Variants in PIK3C3 observed in about 807,000 individuals in gnomAD.
PIK3C3 encodes PI3-kinase type 3.
In PIK3C3, 95 loss-of-function variants were observed where a neutral mutation model predicts 126.1. That is an observed-to-expected ratio of 0.75 (90% CI 0.64 to 0.89). PIK3C3 has a LOEUF of 0.89. Ranked by LOEUF, PIK3C3 falls within the 40% of genes least tolerant of loss-of-function variation. PIK3C3 has a pLI of 0.00. For synonymous variants in PIK3C3, 374 were observed against 360.0 expected (o/e 1.04, Z -0.44); for missense variants, 829 against 1,063.2 (o/e 0.78, Z 3.06).
chr18:41,965,379 G>T (rs1431256121), intron 3 of PIK3C3, among the ~76,000 whole-genome samples: 1 of 152,168 alleles, frequency 6.6e-6, no homozygotes, highest in African/African-American at 2.4e-5. Flanking sequence ...TTCCACAGAT[G>T]CAGTGAAATG....
chr18:42,064,954 A>G (rs1985474473), intron 23 of PIK3C3, 124 bp downstream of exon 23: 1 of 591,880 alleles, frequency 1.7e-6, no homozygotes, highest in South Asian at 2.2e-5. Context: ...CCACAGTCAC[A>G]TGAATAGGTT....
chr18:42,058,984 C>A (rs974480758), intron 22 of PIK3C3, among the ~76,000 whole-genome samples: 1 of 152,164 alleles, frequency 6.6e-6, no homozygotes, highest in Non-Finnish European at 1.5e-5. Context: ...GACTTCATAA[C>A]CTTTGTGACA....
intron 23 of PIK3C3, among the ~76,000 whole-genome samples, chr18:42,066,942 A>G (rs1985567239): frequency 1.3e-5 from 2 of 152,142 alleles, no homozygotes. Flanking sequence ...CACTGAAGGT[A>G]TGGGAGAATA....
At chr18:41,983,961 T>C (rs1400165572) in intron 4 of PIK3C3, among the ~76,000 whole-genome samples, 1 of 152,056 alleles carries the variant, frequency 6.6e-6, no homozygotes, top group African/African-American at 2.4e-5. Context: ...CCTTTTTTTT[T>C]TTTTTGTGAC....
At chr18:42,072,455 T>G (rs1985813968) in intron 24 of PIK3C3, among the ~76,000 whole-genome samples, 1 of 152,184 alleles carries the variant, frequency 6.6e-6, no homozygotes, top group South Asian at 2.1e-4. Flanking sequence ...ACCCACATAT[T>G]AGTGATACAA....
In PIK3C3 at chr18:42,033,949, C is replaced by A; in HGVS notation, c.1831C>A (p.Leu611Met). The change falls in exon 16 of 25, where the codon CTG (leucine) becomes ATG (methionine). Residue 611 changes from leucine to methionine, a missense_variant. Coordinates refer to ENST00000262039, the MANE Select transcript of PIK3C3 (RefSeq NM_002647.4). ...AGGAATAATTCCGGAAACAGCTACA[C>A]TGTTTAAAGTAATTGTGATGGATAT... Reference protein sequence around the residue: ...IRGIIPETATLFKSALMPAQL... With the variant: ...IRGIIPETATMFKSALMPAQL... The A allele has an allele frequency of 1.1e-5, 17 of 1,599,680 alleles. No homozygotes were observed. The highest frequency in any genetic ancestry group is 1.4e-5 in the Non-Finnish European group (16 of 1,173,332).
At chr18:41,986,260 T>G (rs1477160264) in intron 4 of PIK3C3, among the ~76,000 whole-genome samples, 1 of 152,138 alleles carries the variant, frequency 6.6e-6, no homozygotes, top group Non-Finnish European at 1.5e-5. Context: ...ATAAATGTTA[T>G]TTTTTTCTCC....
At chr18:41,995,611 G>A (rs1981988013) in intron 7 of PIK3C3, among the ~76,000 whole-genome samples, 2 of 152,120 alleles carry the variant, frequency 1.3e-5, no homozygotes, top group Non-Finnish European at 2.9e-5. Context: ...TTGGTTAGAG[G>A]ATATGGAAAC....
At chr18:41,960,028 ATCCAAATTTT>A (rs1270443829) in intron 2 of PIK3C3, among the ~76,000 whole-genome samples, 3 of 152,230 alleles carry the variant, frequency 2.0e-5, no homozygotes, top group Non-Finnish European at 4.4e-5. Context: ...ATCTCTTGCT[ATCCAAATTTT>A]TGCATTCCTT....
At chr18:42,067,303 A>G (rs1388786629) in intron 23 of PIK3C3, 85 bp from the exon 24 acceptor site, 4 of 1,211,878 alleles carry the variant, frequency 3.3e-6, no homozygotes, top group Non-Finnish European at 4.8e-6. Context: ...ATGTTACCTT[A>G]TAATGTCTGC....
intron 10 of PIK3C3, among the ~76,000 whole-genome samples, chr18:42,012,177 A>C (rs1196430761): frequency 7.2e-6 from 1 of 138,960 alleles, no homozygotes; most frequent in Non-Finnish European, 1.6e-5. Context: ...ACAAACCTTC[A>C]TTCTGTAAAA....
intron 9 of PIK3C3, among the ~76,000 whole-genome samples, chr18:41,999,588 A>C (rs1982186139): frequency 6.6e-6 from 1 of 152,212 alleles, no homozygotes; most frequent in South Asian, 2.1e-4. Flanking sequence ...CTAGCATTAT[A>C]TAAGACTATG....
At chr18:41,991,167 C>A (rs1470256150) in intron 6 of PIK3C3, among the ~76,000 whole-genome samples, 2 of 151,494 alleles carry the variant, frequency 1.3e-5, no homozygotes, top group Non-Finnish European at 2.9e-5. Context: ...TCCTTAAATG[C>A]TTGTAGAAGG....
intron 21 of PIK3C3, among the ~76,000 whole-genome samples, chr18:42,057,134 A>G (rs926210809): frequency 6.8e-6 from 1 of 147,490 alleles, no homozygotes; most frequent in Non-Finnish European, 1.5e-5. Flanking sequence ...CTACTCTTAC[A>G]TACTATACAA....
chr18:42,058,892 G>T (rs1413033969), intron 22 of PIK3C3, among the ~76,000 whole-genome samples: 1 of 152,194 alleles, frequency 6.6e-6, no homozygotes, highest in African/African-American at 2.4e-5. Context: ...CCCAGTCCAG[G>T]AAACATACAT....
intron 2 of PIK3C3, among the ~76,000 whole-genome samples, chr18:41,959,683 A>G (rs1979979526): frequency 6.6e-6 from 1 of 152,258 alleles, no homozygotes; most frequent in East Asian, 1.9e-4. Context: ...AATCCCAGCT[A>G]CTTGGGAGGC....
chr18:41,979,504 A>G (rs1468018103), intron 4 of PIK3C3, among the ~76,000 whole-genome samples: 1 of 152,212 alleles, frequency 6.6e-6, no homozygotes, highest in African/African-American at 2.4e-5. Flanking sequence ...TACAAATCCT[A>G]TAATGGGTTA....
At chr18:42,063,020 T>C (rs1985385067) in intron 22 of PIK3C3, among the ~76,000 whole-genome samples, 1 of 152,188 alleles carries the variant, frequency 6.6e-6, no homozygotes, top group South Asian at 2.1e-4. Flanking sequence ...ATAGTTTCTC[T>C]ACTTTGATTC....
intron 4 of PIK3C3, among the ~76,000 whole-genome samples, chr18:41,978,542 G>A (rs1981044020): frequency 2.0e-5 from 3 of 152,096 alleles, no homozygotes; most frequent in African/African-American, 7.2e-5. Context: ...ACTAAAGAAG[G>A]TCTTGGATTA....
Sources: gnomAD v4.1 joint callset for allele counts (sites outside exome capture counted in the v4.1 genomes callset) on GRCh38, gnomAD v4.1.1 for gene constraint, MANE v1.5 for transcripts, NCBI Gene and HGNC (gene_info 2026-07-23, HGNC 2026-07-21) for gene names.